Variants in LHFPL2 observed in about 807,000 individuals in gnomAD.
LHFPL2 encodes LHFPL tetraspan subfamily member 2 protein.
LHFPL2 carries 7 observed loss-of-function variants against 17.5 expected under a neutral mutation model. The observed-to-expected ratio is 0.40, with a 90% CI of 0.23 to 0.75. The LOEUF (loss-of-function observed/expected upper bound fraction) is 0.75. Ranked by LOEUF, LHFPL2 falls within the 30% of genes least tolerant of loss-of-function variation. The pLI is 0.37. For synonymous variants in LHFPL2, 134 were observed against 116.2 expected, an observed-to-expected ratio of 1.15 and a Z score of -0.99; for missense variants, 241 against 294.8, an observed-to-expected ratio of 0.82 and a Z score of 1.34.
chr5:78,601,432 T>C (rs1462194225), intron 2 of LHFPL2, among the ~76,000 whole-genome samples: 1 of 152,166 alleles, frequency 6.6e-6, no homozygotes, highest in Non-Finnish European at 1.5e-5. Context: ...TCACTAGCAA[T>C]GTGAATTATT....
chr5:78,619,013 G>T (rs1404315323), intron 2 of LHFPL2, among the ~76,000 whole-genome samples: 1 of 152,104 alleles, frequency 6.6e-6, no homozygotes, highest in African/African-American at 2.4e-5. Flanking sequence ...CAAGATTTGT[G>T]TCAATAGACC....
At chr5:78,576,934 A>G (rs1757149068) in intron 2 of LHFPL2, among the ~76,000 whole-genome samples, 1 of 152,228 alleles carries the variant, frequency 6.6e-6, no homozygotes. Context: ...GATCATTGGC[A>G]ATGCAATAGT....
intron 2 of LHFPL2, among the ~76,000 whole-genome samples, chr5:78,612,189 C>T (rs1744443123): frequency 6.6e-6 from 1 of 152,304 alleles, no homozygotes; most frequent in Admixed American, 6.5e-5. Flanking sequence ...ACTATTCAAA[C>T]TGACTTTGTG....
chr5:78,634,473 T>C (rs7702302), intron 1 of LHFPL2, among the ~76,000 whole-genome samples: 65,588 of 152,130 alleles, frequency 0.43, 16,193 homozygotes, highest in African/African-American at 0.69. Context: ...GCTCTCTGGC[T>C]TCCCCACCTG....
intron 2 of LHFPL2, among the ~76,000 whole-genome samples, chr5:78,629,417 T>C (rs1251944173): frequency 6.6e-6 from 1 of 152,186 alleles, no homozygotes. Flanking sequence ...TCCAAGTAAA[T>C]GGTGGTTCCT....
At chr5:78,646,960 T>C (rs1445269166) in intron 1 of LHFPL2, among the ~76,000 whole-genome samples, 1 of 152,160 alleles carries the variant, frequency 6.6e-6, no homozygotes, top group African/African-American at 2.4e-5. Context: ...CATCCCCCTC[T>C]CCTACAACAC....
At chr5:78,608,368 T>C (rs1161181196) in intron 2 of LHFPL2, among the ~76,000 whole-genome samples, 2 of 152,188 alleles carry the variant, frequency 1.3e-5, no homozygotes, top group African/African-American at 2.4e-5. Context: ...ATATGGAACA[T>C]AACAGATTGC....
intron 3 of LHFPL2, among the ~76,000 whole-genome samples, chr5:78,515,480 T>C (rs958507573): frequency 6.6e-6 from 1 of 152,208 alleles, no homozygotes; most frequent in Non-Finnish European, 1.5e-5. Flanking sequence ...GCAATCTCCC[T>C]CAGACACATG....
chr5:78,607,434 T>C (rs565101544), intron 2 of LHFPL2, among the ~76,000 whole-genome samples: 68 of 152,294 alleles, frequency 4.5e-4, no homozygotes, highest in African/African-American at 1.5e-3. Flanking sequence ...TCTTCTACCA[T>C]AGGTTTGTAT....
chr5:78,540,889 T>C (rs1478449563), intron 3 of LHFPL2, among the ~76,000 whole-genome samples: 1 of 152,170 alleles, frequency 6.6e-6, no homozygotes, highest in East Asian at 1.9e-4. Context: ...TCATCCCACA[T>C]TCTTGGCCTT....
intron 2 of LHFPL2, among the ~76,000 whole-genome samples, chr5:78,623,742 T>G (rs973656772): frequency 1.3e-5 from 2 of 152,220 alleles, no homozygotes; most frequent in African/African-American, 4.8e-5. Flanking sequence ...ATTTTCCAAA[T>G]AAGCCATTTT....
chr5:78,635,595 G>A (rs1745410448), intron 1 of LHFPL2, among the ~76,000 whole-genome samples: 1 of 152,228 alleles, frequency 6.6e-6, no homozygotes, highest in African/African-American at 2.4e-5. Flanking sequence ...GAGGTCAGGA[G>A]ATCGAGACCA....
intron 4 of LHFPL2, among the ~76,000 whole-genome samples, chr5:78,504,343 G>T (rs1184296385): frequency 2.0e-5 from 3 of 152,090 alleles, no homozygotes; most frequent in Non-Finnish European, 4.4e-5. Context: ...TCTGAGGCAG[G>T]GCTCCATGTG....
intron 4 of LHFPL2, among the ~76,000 whole-genome samples, chr5:78,509,146 GA>G (rs1195150377): frequency 6.6e-6 from 1 of 152,236 alleles, no homozygotes; most frequent in Non-Finnish European, 1.5e-5. Flanking sequence ...GAAATTCCCA[GA>G]AAATGGAAGA....
Position 78,498,077 on chromosome 5 carries a change from C to A in LHFPL2, c.431-8924G>T, listed in dbSNP as rs574033056. 9.2e-5 allele frequency among the ~76,000 whole-genome samples: 14 copies of A among 152,176 alleles called. 1 individual carries two copies. In the South Asian group the frequency reaches 2.5e-3, roughly 27 times the overall value. On this transcript the variant is annotated intron_variant, in intron 4 of 4. Transcript: ENST00000380345. ...GACAGGTGAGAGAAGACAAAGGATA[C>A]GTGGGGGAATGAGGTGAGCCACGAC... is the stretch of plus-strand genomic sequence containing the variant.
At chr5:78,644,174 G>T in intron 1 of LHFPL2, 1 of 561,108 alleles carries the variant, frequency 1.8e-6, no homozygotes, top group Non-Finnish European at 3.1e-6. Context: ...TTGTTACATA[G>T]TCTTCCATTT....
rs573294417 is a variant in LHFPL2 at position 78,587,815 on chromosome 5, G to A, written c.-244-22944C>T. Among the ~76,000 whole-genome samples the A allele has an allele frequency of 6.6e-5, 10 of 152,330 alleles. No individual in the cohort carries two copies. The South Asian group carries it at 1.7e-3, about 25-fold the overall frequency. On this transcript the variant is annotated intron_variant, in intron 2 of 4. Transcript: ENST00000380345. ...GAAGGTGGCCCAAGCCCTCTTTATC[G>A]TCCCTACCACACAGCCAGTGCAAAT...
intron 4 of LHFPL2, among the ~76,000 whole-genome samples, chr5:78,492,922 T>TGACTGGCGGG (rs1754493873): frequency 2.6e-5 from 4 of 152,112 alleles, no homozygotes; most frequent in Non-Finnish European, 5.9e-5. Flanking sequence ...GTCACCACTG[T>TGACTGGCGGG]CCACTCTGCC....
At chr5:78,553,245 G>A (rs1561336242) in intron 3 of LHFPL2, among the ~76,000 whole-genome samples, 2 of 152,062 alleles carry the variant, frequency 1.3e-5, no homozygotes, top group Admixed American at 1.3e-4. Flanking sequence ...GCCCACACTC[G>A]TCTCTGCCAG....
Sources: allele counts gnomAD v4.1 joint callset (sites outside exome capture counted in the v4.1 genomes callset), GRCh38; gene constraint gnomAD v4.1.1; transcripts MANE v1.5; gene names NCBI Gene and HGNC (gene_info 2026-07-23, HGNC 2026-07-21).